Variants in HOXA13 observed in about 807,000 individuals in gnomAD.
HOXA13 encodes the protein homeobox protein Hox-A13.
Under a neutral mutation model 25.7 loss-of-function variants are expected in HOXA13, and 5 were observed. The observed-to-expected ratio is 0.19, with a 90% CI of 0.10 to 0.41. HOXA13 has a LOEUF of 0.41. Ranked by LOEUF, HOXA13 falls within the 10% of genes least tolerant of loss-of-function variation. HOXA13 has a pLI of 1.00. For missense variants in HOXA13, 557 were observed against 533.5 expected (o/e 1.04, Z -0.43); for synonymous variants, 284 against 241.1 (o/e 1.18, Z -1.65).
chr7:27,194,709 CACA>C lies in HOXA13; in HGVS notation c.*3486_*3488del, dbSNP rs1783984948. The C allele has an allele frequency of 6.6e-6, 1 of 152,016 alleles. No individual in the cohort carries two copies. The highest frequency in any genetic ancestry group is 1.5e-5 in the Non-Finnish European group (1 of 68,014). 9.4% of individuals were successfully genotyped at this position (152,016 alleles called of 1,614,324 possible). A position where few individuals can be genotyped will look rare whatever the true frequency, so the allele number is the denominator to read the frequency against. ...TTTAGAACTGGGGGGAAAAAATCCC[CACA>C]ACAACCCTGAAATGTCTTCTGTCAT... is the stretch of plus-strand genomic sequence containing the variant. On this transcript the variant is annotated 3_prime_UTR_variant, in exon 2 of 2. Transcript: ENST00000649031.
chr7:27,199,908 C>A lies in HOXA13; in HGVS notation c.170G>T (p.Gly57Val). The change falls in exon 1 of 2, where the codon GGC (glycine) becomes GTC (valine). Residue 57 changes from glycine to valine, a missense_variant. By Grantham distance (109) the Gly-to-Val change is moderately radical (BLOSUM62 -3). Coordinates refer to ENST00000649031, the MANE Select transcript of HOXA13 (RefSeq NM_000522.5). ...CGCCGCAGCCGCCGGGTGGGGGAAG[C>A]CCCCGCCCCCGGCCCCGGCAGCCGC... ...AAAAAGAGGGGFPHPAAAAAG... is the reference protein window; with the variant it reads ...AAAAAGAGGGVFPHPAAAAAG... The A allele has an allele frequency of 8.8e-7, 1 of 1,132,652 alleles. No homozygotes were observed. Among genetic ancestry groups the A allele is most frequent in the Non-Finnish European group, 1.1e-6 (1 of 916,696 alleles). The allele number at this position is 1,132,652 out of a possible 1,614,324, so 70.2% of individuals were successfully genotyped here. A position where few individuals can be genotyped will look rare whatever the true frequency, so the allele number is the denominator to read the frequency against.
rs990542963 is a variant in HOXA13, at chr7:27,199,826, G to GGCCGCGGCCGCCGCCGCA, written c.234_251dup (p.Ala79_Ala84dup). 5.0e-6 allele frequency: 5 copies of GGCCGCGGCCGCCGCCGCA among 991,642 alleles called. No individual in the cohort carries two copies. The highest frequency in any genetic ancestry group is 1.8e-5 in the African/African-American group (1 of 56,840). The allele number at this position is 991,642 out of a possible 1,614,324, so 61.4% of individuals were successfully genotyped here. ...GCGCCATCAGGTTGCGGCACTGGTT[G>GGCCGCGGCCGCCGCCGCA]GCCGCGGCCGCCGCCGCAGCCGCGG... is the stretch of plus-strand genomic sequence containing the variant. On this transcript the variant is annotated inframe_insertion, in exon 1 of 2. Transcript: ENST00000649031.
In HOXA13 at chr7:27,198,134, C is replaced by A; in HGVS notation, c.*64G>T. ...TATTATTAAGCATTATTATCATTAT[C>A]TGGGCAAAGCAACGAGTTCTGAAGC... On this transcript the variant is annotated 3_prime_UTR_variant, in exon 2 of 2. Transcript: ENST00000649031. 1 of 1,560,438 alleles carries A rather than the reference C, an allele frequency of 6.4e-7. No individual in the cohort carries two copies. The highest frequency in any genetic ancestry group is 8.8e-7 in the Non-Finnish European group (1 of 1,133,370).
At position 27,195,812 on chromosome 7, in the gene HOXA13, A is replaced by G. The variant is rs1210031201; in HGVS notation, c.*2386T>C. The G allele has an allele frequency of 6.6e-6, 1 of 152,236 alleles. No homozygotes were observed. The highest frequency in any genetic ancestry group is 1.9e-4 in the East Asian group (1 of 5,204). The allele number at this position is 152,236 out of a possible 1,614,324, so 9.4% of individuals were successfully genotyped here. Reference sequence around the variant, plus strand: ...CTTAGACTTTCTGAAACATAACTCTAGAACTCTAGACTTAGCAAGGCATCT... The same window carrying G: ...CTTAGACTTTCTGAAACATAACTCTGGAACTCTAGACTTAGCAAGGCATCT... On this transcript the variant is annotated 3_prime_UTR_variant, in exon 2 of 2. Transcript: ENST00000649031.
chr7:27,199,483 A>T lies in HOXA13; in HGVS notation c.595T>A (p.Ser199Thr). Residue 199 changes from serine to threonine, a missense_variant, in exon 1 of 2, where the codon TCG (serine) becomes ACG (threonine). Ser to Thr is a moderately conservative substitution (Grantham distance 58). Coordinates refer to ENST00000649031, the MANE Select transcript of HOXA13 (RefSeq NM_000522.5). ...GCGAAGGCGGCGGCGGCGGCGGCCG[A>T]GGCGGGCTGCGCGCACGACTTGATG... is the stretch of plus-strand genomic sequence containing the variant. ...NAIKSCAQPA[S>T]AAAAAAFADK... The T allele has an allele frequency of 6.2e-7, 1 of 1,602,984 alleles. No homozygotes were observed. Among genetic ancestry groups the T allele is most frequent in the Non-Finnish European group, 8.5e-7 (1 of 1,176,260 alleles).
rs1454219902 is a variant in HOXA13, at chr7:27,194,849, T to C, written c.*3349A>G. On this transcript the variant is annotated 3_prime_UTR_variant, in exon 2 of 2. Transcript: ENST00000649031. ...GGGATCCCGGCTGGAGAGCTGCTGTTGGCCTCCTTCCTAGGCTCGAGGCTC... is the reference window on the plus strand; with the variant it reads ...GGGATCCCGGCTGGAGAGCTGCTGTCGGCCTCCTTCCTAGGCTCGAGGCTC... 6.6e-6 allele frequency: 1 copy of C among 152,284 alleles called. No individual in the cohort carries two copies. Among genetic ancestry groups the C allele is most frequent in the African/African-American group, 2.4e-5 (1 of 41,474 alleles). 9.4% of individuals were successfully genotyped at this position (152,284 alleles called of 1,614,324 possible).
chr7:27,199,287 G>A lies in HOXA13; in HGVS notation c.791C>T (p.Ser264Leu). ...VVPGLGGPGE[S>L]RHEPLGLPME... ...GGGAAGACCCAAGGGTTCGTGGCGC[G>A]ACTCGCCGGGGCCCCCGAGGCCCGG... Residue 264 changes from serine to leucine, a missense_variant, in exon 1 of 2, where the codon TCG becomes TTG. Ser to Leu is a moderately radical substitution (Grantham distance 145, BLOSUM62 -2). Transcript: ENST00000649031. The A allele has an allele frequency of 6.2e-7, 1 of 1,614,052 alleles. No homozygotes were observed. Among genetic ancestry groups the A allele is most frequent in the South Asian group, 1.1e-5 (1 of 91,080 alleles).
Position 27,199,973 on chromosome 7 carries a change from C to T in HOXA13, c.105G>A (p.Met35Ile), listed in dbSNP as rs1357241460. The change falls in exon 1 of 2, where the codon ATG becomes ATA. Residue 35 changes from methionine (M) to isoleucine (I), a missense_variant. Physicochemically the swap from Met to Ile is conservative, Grantham distance 10 (BLOSUM62 1). Coordinates refer to ENST00000649031, the MANE Select transcript of HOXA13 (RefSeq NM_000522.5). ...CTGCTGCAGCCGCCGCCGCCCCTTC[C>T]ATGTTCTTGTTGAGCTCGTCGGCCA... is the stretch of plus-strand genomic sequence containing the variant. ...GLVADELNKN[M>I]EGAAAAAAAA... The T allele has an allele frequency of 4.1e-6, 6 of 1,452,674 alleles. No homozygotes were observed. Among genetic ancestry groups the T allele is most frequent in the Admixed American group, 4.1e-5 (2 of 49,202 alleles). 90.0% of individuals were successfully genotyped at this position (1,452,674 alleles called of 1,614,324 possible).
rs990844408 is a variant in HOXA13, at chr7:27,194,682, A to G, written c.*3516T>C. The G allele has an allele frequency of 6.6e-6, 1 of 152,198 alleles. No individual in the cohort carries two copies. The highest frequency in any genetic ancestry group is 2.1e-4 in the South Asian group (1 of 4,828). The allele number at this position is 152,198 out of a possible 1,614,324, so 9.4% of individuals were successfully genotyped here. A position where few individuals can be genotyped will look rare whatever the true frequency, so the allele number is the denominator to read the frequency against. ...GGTAAGATCGACACTATCAATGACC[A>G]TTTTAGAACTGGGGGGAAAAAATCC... is the stretch of plus-strand genomic sequence containing the variant. On this transcript the variant is annotated 3_prime_UTR_variant, in exon 2 of 2. Transcript: ENST00000649031.
In HOXA13 at chr7:27,199,163, A is replaced by C. The variant is rs200379258; in HGVS notation, c.915T>G (p.Thr305=). The C allele has an allele frequency of 6.8e-6, 11 of 1,610,956 alleles. No individual in the cohort carries two copies. The highest frequency in any genetic ancestry group is 9.3e-6 in the Non-Finnish European group (11 of 1,179,194). ...QAQPPHLWKS[T]LPDVVSHPSD... ...GAATAGGTCGTCATTTACCGGGCAG[A>C]GTGGACTTCCAGAGGTGGGGAGGCT... is the stretch of plus-strand genomic sequence containing the variant. Residue 305 remains threonine (T), a synonymous_variant, in exon 1 of 2, where the codon ACT becomes ACG. Transcript: ENST00000649031.
chr7:27,199,499 C>T lies in HOXA13; in HGVS notation c.579G>A (p.Ser193=), dbSNP rs1334019787. ...RMGPHPNAIK[S]CAQPASAAAA... Reference sequence around the variant, plus strand: ...CGGCGGCCGAGGCGGGCTGCGCGCACGACTTGATGGCGTTGGGGTGCGGGC... The same window carrying T: ...CGGCGGCCGAGGCGGGCTGCGCGCATGACTTGATGGCGTTGGGGTGCGGGC... The change falls in exon 1 of 2, where the codon TCG becomes TCA. Residue 193 remains serine, a synonymous_variant. Coordinates refer to ENST00000649031, the MANE Select transcript of HOXA13 (RefSeq NM_000522.5). 2.5e-6 allele frequency: 4 copies of T among 1,606,646 alleles called. No individual in the cohort carries two copies. Among genetic ancestry groups the T allele is most frequent in the Non-Finnish European group, 3.4e-6 (4 of 1,177,494 alleles).
Position 27,197,400 on chromosome 7 carries a change from G to T in HOXA13, c.*798C>A. On this transcript the variant is annotated 3_prime_UTR_variant, in exon 2 of 2. Coordinates refer to ENST00000649031, the MANE Select transcript of HOXA13 (RefSeq NM_000522.5). ...AAGTGAATTCTGTGGATCATCTGAT[G>T]ATGTAAACATTTTCAAAAAGATACA... 4.7e-6 allele frequency: 1 copy of T among 213,120 alleles called. No individual in the cohort carries two copies. The highest frequency in any genetic ancestry group is 9.5e-6 in the Non-Finnish European group (1 of 105,142). 13.2% of individuals were successfully genotyped at this position (213,120 alleles called of 1,614,324 possible). A position where few individuals can be genotyped will look rare whatever the true frequency, so the allele number is the denominator to read the frequency against.
In HOXA13 at chr7:27,195,104, A is replaced by G. The variant is rs1783989223; in HGVS notation, c.*3094T>C. 1 of 152,250 alleles carries G rather than the reference A, an allele frequency of 6.6e-6. No homozygotes were observed. The highest frequency in any genetic ancestry group is 1.5e-5 in the Non-Finnish European group (1 of 68,040). 9.4% of individuals were successfully genotyped at this position (152,250 alleles called of 1,614,324 possible). On this transcript the variant is annotated 3_prime_UTR_variant, in exon 2 of 2. Coordinates refer to ENST00000649031, the MANE Select transcript of HOXA13 (RefSeq NM_000522.5). ...TGAAGCAACATTATCATTTGTTTCC[A>G]CAAGTGGAGTGAAAATCCTCAGGGC...
Position 27,199,946 on chromosome 7 carries a change from C to A in HOXA13, c.132G>T (p.Ala44=), listed in dbSNP as rs762393798. The part of the protein sequence containing the change: ...NMEGAAAAAA[A]AAAAAAAGAG... ...CCCCGGCAGCCGCCGCCGCTGCAGC[C>A]GCTGCTGCAGCCGCCGCCGCCCCTT... The change falls in exon 1 of 2, where the codon GCG becomes GCT. Residue 44 remains alanine (A), a synonymous_variant. Transcript: ENST00000649031. The A allele has an allele frequency of 1.1e-5, 15 of 1,315,598 alleles. No homozygotes were observed. Among genetic ancestry groups the A allele is most frequent in the African/African-American group, 3.1e-5 (2 of 65,072 alleles). The allele number at this position is 1,315,598 out of a possible 1,614,324, so 81.5% of individuals were successfully genotyped here. A position where few individuals can be genotyped will look rare whatever the true frequency, so the allele number is the denominator to read the frequency against.
chr7:27,195,467 C>T lies in HOXA13; in HGVS notation c.*2731G>A, dbSNP rs1167903920. 1 of 152,132 alleles carries T rather than the reference C, an allele frequency of 6.6e-6. No individual in the cohort carries two copies. The highest frequency in any genetic ancestry group is 1.5e-5 in the Non-Finnish European group (1 of 68,026). The allele number at this position is 152,132 out of a possible 1,614,324, so 9.4% of individuals were successfully genotyped here. ...ATAGATTTGACAAAAACACATTATC[C>T]TATGTGTATATTAAATATACAAACA... On this transcript the variant is annotated 3_prime_UTR_variant, in exon 2 of 2. Coordinates refer to ENST00000649031, the MANE Select transcript of HOXA13 (RefSeq NM_000522.5).
At position 27,197,835 on chromosome 7, in the gene HOXA13, C is replaced by T; in HGVS notation, c.*363G>A. ...GCCTCTTGCGTTTGTAACCAACTTC[C>T]AGATTATTACCATCTAACGCAGTGT... On this transcript the variant is annotated 3_prime_UTR_variant, in exon 2 of 2. Coordinates refer to ENST00000649031, the MANE Select transcript of HOXA13 (RefSeq NM_000522.5). 1 of 348,558 alleles carries T rather than the reference C, an allele frequency of 2.9e-6. No homozygotes were observed. The highest frequency in any genetic ancestry group is 5.3e-6 in the Non-Finnish European group (1 of 188,360). The allele number at this position is 348,558 out of a possible 1,614,324, so 21.6% of individuals were successfully genotyped here. A position where few individuals can be genotyped will look rare whatever the true frequency, so the allele number is the denominator to read the frequency against.
In HOXA13 at chr7:27,198,305, G is replaced by A. The variant is rs746016880; in HGVS notation, c.1060C>T (p.Arg354Trp). The change falls in exon 2 of 2, where the codon CGG becomes TGG. Residue 354 changes from arginine to tryptophan, a missense_variant. Arg to Trp is a moderately radical substitution (Grantham distance 101, BLOSUM62 -3). Transcript: ENST00000649031. The part of the protein sequence containing the change: ...NKFITKDKRR[R>W]ISATTNLSER... ...GAGAGATTCGTCGTGGCTGATATCC[G>A]CCTCCGTTTGTCCTTAGTAATGAAT... is the stretch of plus-strand genomic sequence containing the variant. 6 of 1,614,112 alleles carry A rather than the reference G, an allele frequency of 3.7e-6. No individual in the cohort carries two copies. The highest frequency in any genetic ancestry group is 4.2e-6 in the Non-Finnish European group (5 of 1,180,038).
At position 27,198,410 on chromosome 7, in the gene HOXA13, A is replaced by G. The variant is rs2115471518; in HGVS notation, c.955T>C (p.Tyr319His). ...ACGCGCTTCTTTCTCCCCCTCCTAT[A>G]GGAGCTGGCATCCGAGGGATGGGAG... ...VVSHPSDASS[Y>H]RRGRKKRVPY... The change falls in exon 2 of 2, where the codon TAT becomes CAT. Residue 319 changes from tyrosine (Y) to histidine (H), a missense_variant. Tyr to His is a moderately conservative substitution (Grantham distance 83). Coordinates refer to ENST00000649031, the MANE Select transcript of HOXA13 (RefSeq NM_000522.5). 1 of 1,614,060 alleles carries G rather than the reference A, an allele frequency of 6.2e-7. No homozygotes were observed. The highest frequency in any genetic ancestry group is 8.5e-7 in the Non-Finnish European group (1 of 1,180,014).
At position 27,194,549 on chromosome 7, in the gene HOXA13, G is replaced by T. The variant is rs542344092; in HGVS notation, c.*3649C>A. On this transcript the variant is annotated 3_prime_UTR_variant, in exon 2 of 2. Coordinates refer to ENST00000649031, the MANE Select transcript of HOXA13 (RefSeq NM_000522.5). Reference sequence around the variant, plus strand: ...TTTTTGTTTTTGTTTTTGTTTTAAGGTTTTAGACTGATTGCTATTTGGGCA... The same window carrying T: ...TTTTTGTTTTTGTTTTTGTTTTAAGTTTTTAGACTGATTGCTATTTGGGCA... 1 of 152,144 alleles carries T rather than the reference G, an allele frequency of 6.6e-6. No individual in the cohort carries two copies. The highest frequency in any genetic ancestry group is 1.5e-5 in the Non-Finnish European group (1 of 68,010). 9.4% of individuals were successfully genotyped at this position (152,144 alleles called of 1,614,324 possible).
Sources: allele counts gnomAD v4.1 joint callset, GRCh38; gene constraint gnomAD v4.1.1; transcripts MANE v1.5; gene names NCBI Gene and HGNC (gene_info 2026-07-23, HGNC 2026-07-21).